The following TRPM3 variants were observed in gnomAD, a reference collection of about 807,000 sequenced individuals.
TRPM3 encodes transient receptor potential cation channel subfamily M member 3.
A neutral mutation model predicts 181.2 loss-of-function variants in TRPM3; 77 were observed. The ratio of observed to expected loss-of-function variants is 0.42; its 90% CI spans 0.35 to 0.51. The LOEUF (loss-of-function observed/expected upper bound fraction) is 0.51. Among genes scored for constraint, TRPM3 ranks in the 20% least tolerant of loss-of-function variants. The probability of loss-of-function intolerance (pLI) is 0.01; values close to 1 mark genes in which losing one functional copy is unlikely to be tolerated. For missense variants in TRPM3, 1,759 were observed against 2,196.7 expected, an observed-to-expected ratio of 0.80 and a Z score of 3.98; for synonymous variants, 745 against 796.4, an observed-to-expected ratio of 0.94 and a Z score of 1.09.
At chr9:71,324,767 A>G (rs1340485933) in intron 1 of TRPM3, among the ~76,000 whole-genome samples, 2 of 152,128 alleles carry the variant, frequency 1.3e-5, no homozygotes, top group East Asian at 3.9e-4. Flanking sequence ...ATATATACAC[A>G]ATAGTATACC....
At chr9:70,694,588 C>T (rs895036248) in intron 8 of TRPM3, among the ~76,000 whole-genome samples, 10 of 152,200 alleles carry the variant, frequency 6.6e-5, no homozygotes, top group African/African-American at 2.4e-4. Context: ...TCACGCCATT[C>T]TCCTGCCTCA....
At chr9:70,788,169 C>G (rs566328822) in intron 6 of TRPM3, among the ~76,000 whole-genome samples, 1 of 115,632 alleles carries the variant, frequency 8.6e-6, no homozygotes, top group Non-Finnish European at 1.7e-5. Flanking sequence ...CCCCTCCCCC[C>G]ACCCCACCAC....
chr9:71,091,867 GA>G (rs2066281871), intron 1 of TRPM3, among the ~76,000 whole-genome samples: 1 of 151,932 alleles, frequency 6.6e-6, no homozygotes, highest in African/African-American at 2.4e-5. Context: ...TATTGTGAAT[GA>G]TTAAGGTATA....
intron 12 of TRPM3, 127 bp downstream of exon 12, chr9:70,635,084 G>A: frequency 1.5e-6 from 1 of 684,666 alleles, no homozygotes; most frequent in East Asian, 2.9e-5. Flanking sequence ...CACACACACT[G>A]TTCTGAAATG....
At chr9:70,895,707 G>A (rs1417846268) in intron 1 of TRPM3, among the ~76,000 whole-genome samples, 2 of 152,056 alleles carry the variant, frequency 1.3e-5, no homozygotes, top group Admixed American at 1.3e-4. Flanking sequence ...AACTATCTGG[G>A]GGGAACTGAG....
At chr9:71,254,104 G>T (rs961434324) in intron 1 of TRPM3, among the ~76,000 whole-genome samples, 3 of 152,094 alleles carry the variant, frequency 2.0e-5, no homozygotes, top group Non-Finnish European at 2.9e-5. Flanking sequence ...ATTTTTAGTA[G>T]AGACGGTGTT....
At chr9:70,693,987 C>T (rs993390256) in intron 8 of TRPM3, among the ~76,000 whole-genome samples, 3 of 152,206 alleles carry the variant, frequency 2.0e-5, no homozygotes, top group African/African-American at 7.2e-5. Flanking sequence ...TGTATAAGCT[C>T]GCTGAGGCTG....
intron 1 of TRPM3, among the ~76,000 whole-genome samples, chr9:71,108,339 GTGTAGGAAGTTCA>G (rs1325376412): frequency 2.0e-5 from 3 of 152,130 alleles, no homozygotes; most frequent in Admixed American, 2.0e-4. Flanking sequence ...GCTATTATGT[GTGTAGGAAGTTCA>G]TGCTAATTGA....
At chr9:70,983,580 T>C (rs923445737) in intron 1 of TRPM3, among the ~76,000 whole-genome samples, 2 of 152,162 alleles carry the variant, frequency 1.3e-5, no homozygotes, top group African/African-American at 4.8e-5. Context: ...CCACCATCAC[T>C]TGTGTCTGGC....
rs2065436518 is a variant in TRPM3, at chr9:70,681,543, C to T, written c.1308G>A (p.Gln436=). 4 of 1,613,838 alleles carry T rather than the reference C, an allele frequency of 2.5e-6. No homozygotes were observed. The highest frequency in any genetic ancestry group is 3.4e-6 in the Non-Finnish European group (4 of 1,179,784). Residue 436 remains glutamine (Q), a synonymous_variant, in exon 9 of 26, where the codon CAG becomes CAA. Transcript: ENST00000677713. ...CTGTCAGGATAGCCAAATCAATGTCCTGGTGTCCTTCTGATCCCATCCGAA... is the reference window on the plus strand; with the variant it reads ...CTGTCAGGATAGCCAAATCAATGTCTTGGTGTCCTTCTGATCCCATCCGAA... The part of the protein sequence containing the change: ...TVFRMGSEGH[Q]DIDLAILTAL...
Position 70,576,872 on chromosome 9 carries a change from A to T in TRPM3, c.3223+14159T>A, listed in dbSNP as rs186965586. Among the ~76,000 whole-genome samples the T allele has an allele frequency of 1.1e-3, 160 of 152,268 alleles. 1 individual carries two copies. The highest frequency in any genetic ancestry group is 3.7e-3 in the African/African-American group (153 of 41,556). On this transcript the variant is annotated intron_variant, in intron 22 of 25. Transcript: ENST00000677713. ...ATTTTTTTTGATCCTAGTTGAAAGC[A>T]TCCAGACCATTCCTACCACATGGCT...
intron 8 of TRPM3, among the ~76,000 whole-genome samples, chr9:70,697,083 T>A (rs932369739): frequency 6.6e-6 from 1 of 152,120 alleles, no homozygotes; most frequent in Non-Finnish European, 1.5e-5. Flanking sequence ...CTTTGTCTTA[T>A]GACAAGAATG....
intron 1 of TRPM3, among the ~76,000 whole-genome samples, chr9:71,307,595 G>A (rs1263438436): frequency 6.6e-6 from 1 of 152,074 alleles, no homozygotes; most frequent in African/African-American, 2.4e-5. Flanking sequence ...TGGGGGAAGA[G>A]GTTATGTGTA....
rs1337247846 is a variant in TRPM3 at position 70,660,200 on chromosome 9, TG to T, written c.1346-19541del. Among the ~76,000 whole-genome samples the T allele has an allele frequency of 2.0e-5, 3 of 152,228 alleles. No homozygotes were observed. In the South Asian group the frequency reaches 6.2e-4, roughly 32 times the overall value. ...GAGTATGTCAAAGGAAAATCAGTCT[TG>T]GGGCCTCCAAATCACTGAGCTAAAG... is the stretch of plus-strand genomic sequence containing the variant. On this transcript the variant is annotated intron_variant, in intron 9 of 25. Coordinates refer to ENST00000677713, the MANE Select transcript of TRPM3 (RefSeq NM_001366145.2).
chr9:71,251,061 T>C (rs555489413), intron 1 of TRPM3, among the ~76,000 whole-genome samples: 1 of 152,300 alleles, frequency 6.6e-6, no homozygotes, highest in African/African-American at 2.4e-5. Flanking sequence ...AATGGATGGA[T>C]GGGAAGATAA....
chr9:70,642,303 G>C (rs1328582806), intron 9 of TRPM3, among the ~76,000 whole-genome samples: 1 of 152,054 alleles, frequency 6.6e-6, no homozygotes, highest in Non-Finnish European at 1.5e-5. Flanking sequence ...CTACTAACAG[G>C]GTAAATGGAA....
At position 71,171,029 on chromosome 9, in the gene TRPM3, A is replaced by AGC. The variant is rs200689179; in HGVS notation, c.183+275622_183+275623dup. On this transcript the variant is annotated intron_variant, in intron 1 of 24. Transcript: ENST00000357533. ...CGCCTGGAGGTATAGGCTTATAAACAGCCCCCCCCAGGTGCTCCTGTCTCT... is the reference window on the plus strand; with the variant it reads ...CGCCTGGAGGTATAGGCTTATAAACAGCGCCCCCCCCAGGTGCTCCTGTCTCT... Among the ~76,000 whole-genome samples, 177 of 123,460 alleles carry AGC rather than the reference A, an allele frequency of 1.4e-3. 1 individual carries two copies. The highest frequency in any genetic ancestry group is 2.5e-3 in the Non-Finnish European group (136 of 55,500). 81.0% of individuals were successfully genotyped at this position (123,460 alleles called of 152,430 possible).
intron 1 of TRPM3, among the ~76,000 whole-genome samples, chr9:71,334,774 T>G (rs529053803): frequency 6.6e-4 from 100 of 152,306 alleles, no homozygotes; most frequent in African/African-American, 2.4e-3. Flanking sequence ...TAACTTTAAC[T>G]TAATTAGCTT....
At chr9:71,365,481 A>G (rs1276080103) in intron 1 of TRPM3, among the ~76,000 whole-genome samples, 2 of 152,206 alleles carry the variant, frequency 1.3e-5, no homozygotes, top group African/African-American at 4.8e-5. Context: ...TTCCCCAAAT[A>G]TAAACATATA....
Sources: allele counts gnomAD v4.1 joint callset (sites outside exome capture counted in the v4.1 genomes callset), GRCh38; gene constraint gnomAD v4.1.1; transcripts MANE v1.5; gene names NCBI Gene and HGNC (gene_info 2026-07-23, HGNC 2026-07-21).